KCNIP4: variants seen among roughly 807,000 people sequenced by gnomAD.
KCNIP4 encodes the protein potassium voltage-gated channel interacting protein 4, also known as Kv channel-interacting protein 4.
A neutral mutation model predicts 34.0 loss-of-function variants in KCNIP4; 12 were observed. The observed-to-expected ratio is 0.35, with a 90% CI of 0.23 to 0.57. The LOEUF is 0.57. Among genes scored for constraint, KCNIP4 ranks in the 20% least tolerant of loss-of-function variants. The probability of loss-of-function intolerance (pLI) is 0.83; values close to 1 mark genes in which losing one functional copy is unlikely to be tolerated. For synonymous variants in KCNIP4, 124 were observed against 102.2 expected (o/e 1.21, Z -1.29); for missense variants, 238 against 311.7 (o/e 0.76, Z 1.78).
At chr4:21,003,297 G>A (rs971504147) in intron 1 of KCNIP4, among the ~76,000 whole-genome samples, 4 of 152,130 alleles carry the variant, frequency 2.6e-5, no homozygotes, top group Admixed American at 2.6e-4. Context: ...ATTAATGAGA[G>A]GAAGAAAACA....
intron 1 of KCNIP4, among the ~76,000 whole-genome samples, chr4:21,781,102 T>C (rs6448085): frequency 0.64 from 97,450 of 151,938 alleles, 32,381 homozygotes; most frequent in Non-Finnish European, 0.73. Flanking sequence ...GAATCTCATC[T>C]CGAATTATAA....
At chr4:21,440,708 A>G (rs961337999) in intron 1 of KCNIP4, among the ~76,000 whole-genome samples, 3 of 152,254 alleles carry the variant, frequency 2.0e-5, no homozygotes, top group Non-Finnish European at 4.4e-5. Flanking sequence ...ATGGGATCAT[A>G]CATCTCTATT....
chr4:21,664,737 T>C (rs1201386339), intron 1 of KCNIP4, among the ~76,000 whole-genome samples: 1 of 152,170 alleles, frequency 6.6e-6, no homozygotes, highest in Non-Finnish European at 1.5e-5. Flanking sequence ...ATAATTCCTG[T>C]TCCTTCATCT....
At chr4:21,353,158 C>T (rs1718191752) in intron 1 of KCNIP4, among the ~76,000 whole-genome samples, 1 of 152,058 alleles carries the variant, frequency 6.6e-6, no homozygotes, top group Admixed American at 6.6e-5. Flanking sequence ...AACATCAAGA[C>T]CAAAGGTAGA....
chr4:20,760,575 G>C (rs996448382), intron 3 of KCNIP4, among the ~76,000 whole-genome samples: 1 of 152,148 alleles, frequency 6.6e-6, no homozygotes, highest in African/African-American at 2.4e-5. Flanking sequence ...ATGTGAATTT[G>C]TGTTTACAGA....
intron 1 of KCNIP4, among the ~76,000 whole-genome samples, chr4:21,837,780 T>G (rs1420062189): frequency 1.3e-5 from 2 of 152,020 alleles, no homozygotes; most frequent in African/African-American, 2.4e-5. Flanking sequence ...GAAAGAAAAT[T>G]TTATAAATTG....
At chr4:21,133,395 G>T (rs746090510) in intron 1 of KCNIP4, among the ~76,000 whole-genome samples, 17 of 152,218 alleles carry the variant, frequency 1.1e-4, no homozygotes, top group Non-Finnish European at 2.1e-4. Context: ...ACCGGAAAAT[G>T]AGGATGATTC....
chr4:21,742,885 C>T (rs1024377519), intron 1 of KCNIP4, among the ~76,000 whole-genome samples: 5 of 151,868 alleles, frequency 3.3e-5, no homozygotes, highest in South Asian at 2.1e-4. Context: ...AAGGATATCT[C>T]GGGGTAGTGG....
intron 1 of KCNIP4, among the ~76,000 whole-genome samples, chr4:21,182,948 T>C (rs1754951015): frequency 6.6e-6 from 1 of 152,122 alleles, no homozygotes. Context: ...GCAATAGATC[T>C]CTAAGTTATT....
rs534242948 is a variant in KCNIP4 at position 21,944,394 on chromosome 4, A to AG, written c.61+4176dup. 3.7e-3 allele frequency among the ~76,000 whole-genome samples: 566 copies of AG among 151,830 alleles called. 3 individuals are homozygous for AG. The highest frequency in any genetic ancestry group is 6.2e-3 in the Non-Finnish European group (424 of 67,930). The stretch of plus-strand genomic sequence containing the variant: ...CGCCATCTCTACTAAAAATACAAAA[A>AG]GAAAAAAAAAATTAGTCGGGCATGG... On this transcript the variant is annotated intron_variant, in intron 1 of 8. Coordinates refer to ENST00000382152, the MANE Select transcript of KCNIP4 (RefSeq NM_025221.6).
At chr4:21,471,005 A>G (rs2109804960) in intron 1 of KCNIP4, among the ~76,000 whole-genome samples, 1 of 152,214 alleles carries the variant, frequency 6.6e-6, no homozygotes, top group Middle Eastern at 3.4e-3. Flanking sequence ...GATTGGTATA[A>G]ACATAAATTC....
chr4:21,014,599 C>A (rs1739342634), intron 1 of KCNIP4, among the ~76,000 whole-genome samples: 1 of 152,064 alleles, frequency 6.6e-6, no homozygotes, highest in Non-Finnish European at 1.5e-5. Context: ...AAGCTGATAT[C>A]AAAAATTGGA....
At chr4:20,790,573 T>C (rs1712610667) in intron 3 of KCNIP4, among the ~76,000 whole-genome samples, 1 of 152,108 alleles carries the variant, frequency 6.6e-6, no homozygotes, top group African/African-American at 2.4e-5. Context: ...TTTTTACTTT[T>C]TAAACTTTTT....
At chr4:21,615,731 A>T (rs1305310070) in intron 1 of KCNIP4, among the ~76,000 whole-genome samples, 1 of 152,122 alleles carries the variant, frequency 6.6e-6, no homozygotes, top group African/African-American at 2.4e-5. Flanking sequence ...CTGCAGTTTT[A>T]TTCTTTGAGA....
chr4:21,153,285 G>A (rs1752888658), intron 1 of KCNIP4, among the ~76,000 whole-genome samples: 1 of 151,908 alleles, frequency 6.6e-6, no homozygotes. Flanking sequence ...TTATTTTCCT[G>A]AAACCTTGCC....
At chr4:21,511,380 C>G (rs1577492500) in intron 1 of KCNIP4, among the ~76,000 whole-genome samples, 1 of 133,444 alleles carries the variant, frequency 7.5e-6, no homozygotes, top group Non-Finnish European at 1.6e-5. Flanking sequence ...TTTTTAAGCC[C>G]TGGTGAATGT....
chr4:21,540,190 T>G (rs1737563524), intron 1 of KCNIP4, among the ~76,000 whole-genome samples: 1 of 152,168 alleles, frequency 6.6e-6, no homozygotes, highest in Non-Finnish European at 1.5e-5. Context: ...CCTCACCAAA[T>G]ATATTTCTGT....
At chr4:21,082,499 T>C (rs1301313755) in intron 1 of KCNIP4, among the ~76,000 whole-genome samples, 1 of 151,846 alleles carries the variant, frequency 6.6e-6, no homozygotes, top group Admixed American at 6.6e-5. Flanking sequence ...CTCTGTAGTA[T>C]TTTCTTCCCA....
intron 1 of KCNIP4, among the ~76,000 whole-genome samples, chr4:21,337,417 G>C (rs2109338480): frequency 6.6e-6 from 1 of 152,208 alleles, no homozygotes; most frequent in East Asian, 1.9e-4. Flanking sequence ...GCTGTTCAGG[G>C]GGTTTGAGAA....
Sources: gnomAD v4.1 joint callset for allele counts (sites outside exome capture counted in the v4.1 genomes callset) on GRCh38, gnomAD v4.1.1 for gene constraint, MANE v1.5 for transcripts, NCBI Gene and HGNC (gene_info 2026-07-23, HGNC 2026-07-21) for gene names.